Variants in TENM3 observed in about 807,000 individuals in gnomAD.
TENM3 encodes teneurin transmembrane protein 3.
A neutral mutation model predicts 255.1 loss-of-function variants in TENM3; 63 were observed. The ratio of observed to expected loss-of-function variants is 0.25; its 90% CI spans 0.20 to 0.30. TENM3 has a LOEUF of 0.30. Ranked by LOEUF, TENM3 falls within the 10% of genes least tolerant of loss-of-function variation. TENM3 has a pLI of 1.00. For synonymous variants in TENM3, 1,306 were observed against 1,322.3 expected, an observed-to-expected ratio of 0.99 and a Z score of 0.27; for missense variants, 2,929 against 3,461.1, an observed-to-expected ratio of 0.85 and a Z score of 3.86.
At chr4:182,028,815 T>C in the TENM3 span, among the ~76,000 whole-genome samples, 1 of 152,184 alleles carries the variant, frequency 6.6e-6, no homozygotes, top group Non-Finnish European at 1.5e-5. Context: ...AGATGCTTGA[T>C]ATTATTTCAA....
chr4:182,174,301 TTA>T, intron 1 of TENM3, among the ~76,000 whole-genome samples: 1 of 151,950 alleles, frequency 6.6e-6, no homozygotes, highest in East Asian at 1.9e-4. Context: ...GAAATGTAAT[TTA>T]TATACAGCAT....
At chr4:182,727,778 A>T (rs1294500847) in intron 13 of TENM3, among the ~76,000 whole-genome samples, 1 of 151,890 alleles carries the variant, frequency 6.6e-6, no homozygotes, top group Non-Finnish European at 1.5e-5. Flanking sequence ...CATTTTAGTG[A>T]GTGTATTCTA....
At chr4:182,543,484 A>G (rs552857346) in intron 3 of TENM3, among the ~76,000 whole-genome samples, 4 of 152,320 alleles carry the variant, frequency 2.6e-5, no homozygotes, top group South Asian at 2.1e-4. Context: ...GAGTGAAGTA[A>G]TATAATAAGA....
chr4:181,839,346 T>TAC, the TENM3 span, among the ~76,000 whole-genome samples: 17 of 9,420 alleles, frequency 1.8e-3, no homozygotes, highest in Non-Finnish European at 7.0e-3. Flanking sequence ...GTATTGAGGG[T>TAC]ATATATATAT....
chr4:181,766,399 G>A, the TENM3 span, among the ~76,000 whole-genome samples: 2 of 151,408 alleles, frequency 1.3e-5, no homozygotes, highest in South Asian at 2.1e-4. Flanking sequence ...AAGTAACTCC[G>A]TTGGAAACAC....
At chr4:181,488,683 G>C in the TENM3 span, among the ~76,000 whole-genome samples, 1 of 151,788 alleles carries the variant, frequency 6.6e-6, no homozygotes, top group African/African-American at 2.4e-5. Flanking sequence ...CAAATTTCTC[G>C]GTAAGTCGGC....
At chr4:181,681,101 T>C in the TENM3 span, among the ~76,000 whole-genome samples, 1 of 151,990 alleles carries the variant, frequency 6.6e-6, no homozygotes, top group African/African-American at 2.4e-5. Flanking sequence ...TTGTCTAAGG[T>C]AAGCGTATTT....
At chr4:181,506,688 G>A in the TENM3 span, among the ~76,000 whole-genome samples, 4 of 151,752 alleles carry the variant, frequency 2.6e-5, no homozygotes, top group South Asian at 6.3e-4. Flanking sequence ...AGGGATTGAA[G>A]GACCATGATG....
the TENM3 span, among the ~76,000 whole-genome samples, chr4:181,595,711 C>T: frequency 1.3e-5 from 2 of 152,110 alleles, no homozygotes; most frequent in Non-Finnish European, 2.9e-5. Context: ...TTGTTCTCTG[C>T]TCTTTTCTCT....
chr4:182,379,102 G>A (rs1289978550), intron 3 of TENM3, among the ~76,000 whole-genome samples: 1 of 152,222 alleles, frequency 6.6e-6, no homozygotes, highest in South Asian at 2.1e-4. Context: ...CAAGGGCCAG[G>A]CTTGGTGGCT....
chr4:182,570,483 A>G (rs781175562), intron 3 of TENM3, among the ~76,000 whole-genome samples: 4 of 152,248 alleles, frequency 2.6e-5, no homozygotes, highest in Non-Finnish European at 5.9e-5. Context: ...CTCTGTGGAA[A>G]ATCAGTCAGC....
chr4:182,207,917 C>A (rs17235541), intron 1 of TENM3, among the ~76,000 whole-genome samples: 24,322 of 152,200 alleles, frequency 0.16, 2,371 homozygotes, highest in Non-Finnish European at 0.21. Context: ...TTTAAGTTAT[C>A]TCAAATGGTC....
chr4:181,447,791 C>T, the TENM3 span, among the ~76,000 whole-genome samples: 1 of 152,182 alleles, frequency 6.6e-6, no homozygotes. Flanking sequence ...CCATGTGCGG[C>T]CAGCAGCTTT....
the TENM3 span, among the ~76,000 whole-genome samples, chr4:181,644,450 A>G: frequency 1.3e-5 from 2 of 151,836 alleles, no homozygotes; most frequent in South Asian, 2.1e-4. Flanking sequence ...AAAAAATACT[A>G]TAAGGGCATT....
chr4:182,319,487 C>G (rs956851302), intron 1 of TENM3, among the ~76,000 whole-genome samples: 1 of 152,170 alleles, frequency 6.6e-6, no homozygotes, highest in Non-Finnish European at 1.5e-5. Context: ...TGTTTACAGT[C>G]TAAGATCAAA....
intron 1 of TENM3, among the ~76,000 whole-genome samples, chr4:182,186,762 C>CATATATATATATATATATAT (rs70954298): frequency 3.6e-5 from 1 of 27,500 alleles, no homozygotes; most frequent in Non-Finnish European, 7.4e-5. Flanking sequence ...ACTAATGCAT[C>CATATATATATATATATATAT]ATATATATAT....
Position 182,773,454 on chromosome 4 carries a change from A to G in TENM3, c.4893-18A>G, listed in dbSNP as rs756151322. ...GCAGTTTCCTATTTAACACCAAGTT[A>G]ATGCCTCTTGTATTTAGCTATGACA... On this transcript the variant is annotated intron_variant, in intron 22 of 27. Coordinates refer to ENST00000511685, the MANE Select transcript of TENM3 (RefSeq NM_001080477.4). 6.3e-7 allele frequency: 1 copy of G among 1,588,074 alleles called. No homozygotes were observed. The highest frequency in any genetic ancestry group is 1.2e-5 in the South Asian group (1 of 86,272).
At chr4:182,378,290 A>G (rs949739692) in intron 3 of TENM3, among the ~76,000 whole-genome samples, 7 of 152,246 alleles carry the variant, frequency 4.6e-5, no homozygotes, top group African/African-American at 1.7e-4. Flanking sequence ...TGATGAACCA[A>G]ACAGACAGGT....
the TENM3 span, among the ~76,000 whole-genome samples, chr4:182,010,886 A>G: frequency 1.3e-3 from 192 of 152,300 alleles, no homozygotes; most frequent in African/African-American, 4.3e-3. Flanking sequence ...TGTTAGATGC[A>G]TTCTATGCCA....
Sources: allele counts gnomAD v4.1 joint callset (sites outside exome capture counted in the v4.1 genomes callset), GRCh38; gene constraint gnomAD v4.1.1; transcripts MANE v1.5; gene names NCBI Gene and HGNC (gene_info 2026-07-23, HGNC 2026-07-21).